The following DACH1 variants were observed in gnomAD, a reference collection of about 807,000 sequenced individuals.
The protein encoded by DACH1 is dachshund family transcription factor 1.
A neutral mutation model predicts 54.2 loss-of-function variants in DACH1; 12 were observed. The observed-to-expected ratio is 0.22, with a 90% CI of 0.14 to 0.36. DACH1 has a LOEUF of 0.36. DACH1 is among the 10% of genes least tolerant of loss of function. The pLI, the probability that DACH1 is intolerant of heterozygous loss-of-function variation, is 1.00. For missense variants in DACH1, 805 were observed against 929.8 expected (o/e 0.87, Z 1.75); for synonymous variants, 386 against 366.2 (o/e 1.05, Z -0.62).
In DACH1 at chr13:71,438,664, G is replaced by A. The variant is rs1282619458; in HGVS notation, c.*1991C>T. The A allele has an allele frequency of 6.6e-6, 1 of 152,334 alleles. No homozygotes were observed. The highest frequency in any genetic ancestry group is 2.1e-4 in the South Asian group (1 of 4,830). 9.4% of individuals were successfully genotyped at this position (152,334 alleles called of 1,614,324 possible). A position where few individuals can be genotyped will look rare whatever the true frequency, so the allele number is the denominator to read the frequency against. On this transcript the variant is annotated 3_prime_UTR_variant, in exon 11 of 11. Transcript: ENST00000613252. ...ATTCTACTACATATGTAAGTTGTAG[G>A]CTTTTTTAAAAATCTTTCAAAAAAT...
intron 2 of DACH1, among the ~76,000 whole-genome samples, chr13:71,679,383 T>C (rs973909721): frequency 8.5e-5 from 13 of 152,304 alleles, no homozygotes; most frequent in African/African-American, 3.1e-4. Flanking sequence ...TACATTTTCA[T>C]GGTATCATCT....
intron 1 of DACH1, among the ~76,000 whole-genome samples, chr13:71,765,936 G>A (rs913879209): frequency 6.7e-6 from 1 of 148,730 alleles, no homozygotes; most frequent in Non-Finnish European, 1.5e-5. Context: ...GCCCAGGCTG[G>A]AGTGCAGTGG....
chr13:71,472,091 T>A (rs1359215075), intron 10 of DACH1, among the ~76,000 whole-genome samples: 1 of 152,172 alleles, frequency 6.6e-6, no homozygotes. Flanking sequence ...ACATAAGGCA[T>A]AAGAGAGTTA....
chr13:71,816,581 CG>C (rs1284903257), intron 1 of DACH1, among the ~76,000 whole-genome samples: 1 of 122,702 alleles, frequency 8.1e-6, no homozygotes, highest in Admixed American at 8.6e-5. Flanking sequence ...TATATATACA[CG>C]TATATATATA....
chr13:71,646,852 C>T (rs956198223), intron 2 of DACH1, among the ~76,000 whole-genome samples: 1 of 152,150 alleles, frequency 6.6e-6, no homozygotes, highest in African/African-American at 2.4e-5. Context: ...CTCTGAAAGA[C>T]AATTGCAATA....
intron 10 of DACH1, among the ~76,000 whole-genome samples, chr13:71,457,034 C>T (rs138943651): frequency 9.3e-4 from 142 of 152,060 alleles, no homozygotes; most frequent in African/African-American, 3.0e-3. Flanking sequence ...TGTGATAAAT[C>T]GGGACACTAT....
chr13:71,624,921 G>C (rs1165758940), intron 3 of DACH1, among the ~76,000 whole-genome samples: 1 of 151,816 alleles, frequency 6.6e-6, no homozygotes, highest in Non-Finnish European at 1.5e-5. Flanking sequence ...CATCTCTTGA[G>C]TCTCGGCCCC....
intron 1 of DACH1, among the ~76,000 whole-genome samples, chr13:71,775,310 C>G (rs192814031): frequency 6.6e-6 from 1 of 151,516 alleles, no homozygotes; most frequent in Non-Finnish European, 1.5e-5. Flanking sequence ...TCAAGAAAAA[C>G]AATTGCCACC....
rs547848669 is a variant in DACH1 at position 71,866,240 on chromosome 13, G to A, written c.530C>T (p.Ser177Phe). 3 of 1,611,726 alleles carry A rather than the reference G, an allele frequency of 1.9e-6. No individual in the cohort carries two copies. Among genetic ancestry groups the A allele is most frequent in the African/African-American group, 2.7e-5 (2 of 74,938 alleles). ...ATTCTGAGGGGTGTTTTCCACTGGG[G>A]ACGGGGTTGAGTACACGGGTTTCCC... ...LPGKPVYSTP[S>F]PVENTPQNNE... Residue 177 changes from serine (S) to phenylalanine (F), a missense_variant, in exon 1 of 11, where the codon TCC becomes TTC. Ser to Phe is a radical substitution (Grantham distance 155, BLOSUM62 -2). Transcript: ENST00000613252.
intron 6 of DACH1, among the ~76,000 whole-genome samples, chr13:71,521,872 G>T (rs943875749): frequency 6.6e-6 from 1 of 152,056 alleles, no homozygotes; most frequent in Non-Finnish European, 1.5e-5. Flanking sequence ...TAATAATAAT[G>T]AAAACTATTC....
intron 10 of DACH1, among the ~76,000 whole-genome samples, chr13:71,444,141 G>A (rs1013761131): frequency 1.3e-4 from 20 of 152,040 alleles, no homozygotes; most frequent in Admixed American, 2.6e-4. Flanking sequence ...TCTGTCTTTC[G>A]TATATTTACT....
chr13:71,518,910 G>T (rs547357127), intron 6 of DACH1, among the ~76,000 whole-genome samples: 1 of 151,788 alleles, frequency 6.6e-6, no homozygotes, highest in Non-Finnish European at 1.5e-5. Context: ...ATAAAAAGAA[G>T]AATATTTGGT....
At chr13:71,738,941 G>A (rs985430960) in intron 1 of DACH1, among the ~76,000 whole-genome samples, 10 of 151,626 alleles carry the variant, frequency 6.6e-5, no homozygotes, top group South Asian at 2.1e-4. Flanking sequence ...AGGAAGAAAC[G>A]CGAATCAACA....
intron 1 of DACH1, among the ~76,000 whole-genome samples, chr13:71,754,545 T>C (rs891672532): frequency 6.6e-6 from 1 of 152,124 alleles, no homozygotes; most frequent in African/African-American, 2.4e-5. Flanking sequence ...ATGAGGTTTA[T>C]GGAGGTTAAA....
At chr13:71,636,194 A>C (rs1423214114) in intron 2 of DACH1, among the ~76,000 whole-genome samples, 1 of 152,180 alleles carries the variant, frequency 6.6e-6, no homozygotes, top group African/African-American at 2.4e-5. Flanking sequence ...CATCCACAGA[A>C]TATTTCTGAA....
chr13:71,852,283 C>G (rs1315173061), intron 1 of DACH1, among the ~76,000 whole-genome samples: 3 of 152,168 alleles, frequency 2.0e-5, no homozygotes, highest in African/African-American at 7.2e-5. Context: ...ACCCCTCCAT[C>G]TGAGATGAAT....
chr13:71,474,562 G>A (rs1877351561), intron 10 of DACH1, among the ~76,000 whole-genome samples: 1 of 152,044 alleles, frequency 6.6e-6, no homozygotes, highest in Non-Finnish European at 1.5e-5. Context: ...TAGCTCTTCT[G>A]AGCATTTAAT....
At chr13:71,708,269 T>C (rs566675355) in intron 1 of DACH1, among the ~76,000 whole-genome samples, 20 of 152,324 alleles carry the variant, frequency 1.3e-4, no homozygotes, top group African/African-American at 4.8e-4. Flanking sequence ...AAGTCTGGTA[T>C]TAAAAGTAAG....
At chr13:71,651,814 A>G (rs1284787169) in intron 2 of DACH1, among the ~76,000 whole-genome samples, 1 of 152,186 alleles carries the variant, frequency 6.6e-6, no homozygotes, top group East Asian at 1.9e-4. Flanking sequence ...ATTTTAGGAA[A>G]CTGCAAGCTG....
Sources: allele counts gnomAD v4.1 joint callset (sites outside exome capture counted in the v4.1 genomes callset), GRCh38; gene constraint gnomAD v4.1.1; transcripts MANE v1.5; gene names NCBI Gene and HGNC (gene_info 2026-07-23, HGNC 2026-07-21).